The following MDGA2 variants were observed in gnomAD, a reference collection of about 807,000 sequenced individuals.
MDGA2 encodes MAM domain-containing glycosylphosphatidylinositol anchor protein 2.
MDGA2 carries 40 observed loss-of-function variants against 117.8 expected under a neutral mutation model. The observed-to-expected ratio is 0.34, with a 90% CI of 0.26 to 0.44. The LOEUF (loss-of-function observed/expected upper bound fraction) is 0.44. Among genes scored for constraint, MDGA2 ranks in the 20% least tolerant of loss-of-function variants. MDGA2 has a pLI of 1.00. For missense variants in MDGA2, 1,123 were observed against 1,250.6 expected, an observed-to-expected ratio of 0.90 and a Z score of 1.54; for synonymous variants, 452 against 439.0, an observed-to-expected ratio of 1.03 and a Z score of -0.37.
chr14:47,161,133 G>A (rs1028008772), intron 3 of MDGA2, among the ~76,000 whole-genome samples: 1 of 151,912 alleles, frequency 6.6e-6, no homozygotes, highest in Non-Finnish European at 1.5e-5. Context: ...TTTGCTTGCT[G>A]TTATGCTATT....
At chr14:47,205,450 AT>A (rs1339135337) in intron 3 of MDGA2, among the ~76,000 whole-genome samples, 1 of 152,062 alleles carries the variant, frequency 6.6e-6, no homozygotes, top group Non-Finnish European at 1.5e-5. Context: ...TTGGTACATT[AT>A]TAAAATTATT....
chr14:47,067,047 G>A (rs925026755), intron 6 of MDGA2, among the ~76,000 whole-genome samples: 3 of 152,138 alleles, frequency 2.0e-5, no homozygotes, highest in Non-Finnish European at 4.4e-5. Context: ...CCCGGGAACC[G>A]GAGGTTGCAG....
At position 47,659,001 on chromosome 14, in the gene MDGA2, T is replaced by A. The variant is rs192166319; in HGVS notation, c.280+15516A>T. On this transcript the variant is annotated intron_variant, in intron 1 of 16. Coordinates refer to ENST00000399232, the MANE Select transcript of MDGA2 (RefSeq NM_001113498.3). ...TGTTCTTCCCAACATCACTCTCTAA[T>A]AAACCACCTGCATGTAAACCTTCCA... 6.9e-4 allele frequency among the ~76,000 whole-genome samples: 105 copies of A among 152,276 alleles called. 1 individual carries two copies. The highest frequency in any genetic ancestry group is 2.4e-3 in the African/African-American group (101 of 41,560).
intron 9 of MDGA2, among the ~76,000 whole-genome samples, chr14:46,933,431 A>G (rs1884655203): frequency 6.6e-6 from 1 of 152,008 alleles, no homozygotes; most frequent in Non-Finnish European, 1.5e-5. Flanking sequence ...CAAAAGGATC[A>G]TAATACACAA....
At chr14:46,977,867 T>G (rs999133661) in intron 8 of MDGA2, among the ~76,000 whole-genome samples, 1 of 151,836 alleles carries the variant, frequency 6.6e-6, no homozygotes, top group Non-Finnish European at 1.5e-5. Context: ...GGAGAAATTG[T>G]GAAGGCTCAT....
At chr14:47,506,231 C>T (rs1181411990) in intron 1 of MDGA2, among the ~76,000 whole-genome samples, 1 of 151,706 alleles carries the variant, frequency 6.6e-6, no homozygotes, top group Non-Finnish European at 1.5e-5. Context: ...TGAGCAAAGG[C>T]GCATAACTAA....
At chr14:46,890,108 G>A (rs1021932729) in intron 10 of MDGA2, among the ~76,000 whole-genome samples, 1 of 151,822 alleles carries the variant, frequency 6.6e-6, no homozygotes, top group Admixed American at 6.6e-5. Context: ...AGAACTCAAC[G>A]CTTTTTCTCC....
chr14:46,839,872 CAT>C (rs1160224189), downstream of MDGA2, among the ~76,000 whole-genome samples: 1 of 151,934 alleles, frequency 6.6e-6, no homozygotes, highest in Non-Finnish European at 1.5e-5. Context: ...ATTCCAGGTT[CAT>C]ATATGTTTCA....
intron 1 of MDGA2, among the ~76,000 whole-genome samples, chr14:47,358,470 G>T (rs1401240936): frequency 1.3e-5 from 2 of 152,124 alleles, no homozygotes; most frequent in Non-Finnish European, 2.9e-5. Context: ...TAGCAAGAGC[G>T]ATCAGACGGT....
intron 6 of MDGA2, among the ~76,000 whole-genome samples, chr14:47,088,115 T>A (rs1890975575): frequency 6.6e-6 from 1 of 152,018 alleles, no homozygotes; most frequent in Admixed American, 6.6e-5. Flanking sequence ...GAAATTATAT[T>A]TATAATTCTT....
At chr14:47,573,135 A>C (rs1896051905) in intron 1 of MDGA2, among the ~76,000 whole-genome samples, 1 of 152,128 alleles carries the variant, frequency 6.6e-6, no homozygotes, top group Non-Finnish European at 1.5e-5. Context: ...AACCAAATAT[A>C]TCCATTAAGG....
At chr14:47,546,789 G>A (rs1171372517) in intron 1 of MDGA2, among the ~76,000 whole-genome samples, 1 of 152,130 alleles carries the variant, frequency 6.6e-6, no homozygotes, top group Non-Finnish European at 1.5e-5. Context: ...ATGTTTCTTG[G>A]TCTCTCTAGC....
At chr14:47,213,922 T>A (rs1053001940) in intron 3 of MDGA2, among the ~76,000 whole-genome samples, 3 of 152,150 alleles carry the variant, frequency 2.0e-5, no homozygotes, top group Non-Finnish European at 4.4e-5. Flanking sequence ...GGCACCTTCT[T>A]CGCAAGTCGG....
chr14:47,523,829 G>C (rs759318867), intron 1 of MDGA2, among the ~76,000 whole-genome samples: 1 of 152,142 alleles, frequency 6.6e-6, no homozygotes, highest in Non-Finnish European at 1.5e-5. Context: ...GCCTTAGTTT[G>C]TCACTGAAAC....
chr14:47,147,907 C>G (rs1282468120), intron 3 of MDGA2, among the ~76,000 whole-genome samples: 2 of 152,156 alleles, frequency 1.3e-5, no homozygotes, highest in African/African-American at 4.8e-5. Context: ...AGTTGCATTA[C>G]TAGAATTTTG....
At chr14:47,653,096 T>C (rs139163573) in intron 1 of MDGA2, among the ~76,000 whole-genome samples, 4 of 152,250 alleles carry the variant, frequency 2.6e-5, no homozygotes, top group Admixed American at 2.0e-4. Flanking sequence ...CAATATCCCA[T>C]AAGAATCTTA....
At chr14:47,193,478 G>A (rs887302282) in intron 3 of MDGA2, among the ~76,000 whole-genome samples, 5 of 152,056 alleles carry the variant, frequency 3.3e-5, no homozygotes, top group Non-Finnish European at 5.9e-5. Flanking sequence ...TTTTTTTGCA[G>A]TAGCCTATGA....
intron 7 of MDGA2, among the ~76,000 whole-genome samples, chr14:47,038,697 G>T (rs1049950387): frequency 6.6e-6 from 1 of 151,788 alleles, no homozygotes; most frequent in African/African-American, 2.4e-5. Flanking sequence ...CAGTACTTTG[G>T]GCGGCCGAGG....
At chr14:47,317,494 G>A (rs1249153830) in intron 1 of MDGA2, among the ~76,000 whole-genome samples, 3 of 152,234 alleles carry the variant, frequency 2.0e-5, no homozygotes, top group Admixed American at 1.3e-4. Context: ...ACAATGTGCT[G>A]TGAAGCTAAG....
Sources: gnomAD v4.1 joint callset for allele counts (sites outside exome capture counted in the v4.1 genomes callset) on GRCh38, gnomAD v4.1.1 for gene constraint, MANE v1.5 for transcripts, NCBI Gene and HGNC (gene_info 2026-07-23, HGNC 2026-07-21) for gene names.